KIAA1217: variants seen among roughly 807,000 people sequenced by gnomAD.
KIAA1217 encodes sickle tail protein homolog.
In KIAA1217, 88 loss-of-function variants were observed where a neutral mutation model predicts 163.9. The observed-to-expected ratio is 0.54, with a 90% CI of 0.45 to 0.64. The LOEUF (loss-of-function observed/expected upper bound fraction) is 0.64. Ranked by LOEUF, KIAA1217 falls within the 30% of genes least tolerant of loss-of-function variation. The pLI is 0.00. For missense variants in KIAA1217, 2,372 were observed against 2,475.0 expected (o/e 0.96, Z 0.88); for synonymous variants, 903 against 923.1 (o/e 0.98, Z 0.39).
At chr10:23,914,019 G>A (rs1342283046) in intron 1 of KIAA1217, among the ~76,000 whole-genome samples, 1 of 152,170 alleles carries the variant, frequency 6.6e-6, no homozygotes, top group East Asian at 1.9e-4. Flanking sequence ...GGCATGCCCT[G>A]CCCTTGGGAG....
chr10:24,111,748 A>G (rs1310431354), intron 2 of KIAA1217, among the ~76,000 whole-genome samples: 1 of 151,936 alleles, frequency 6.6e-6, no homozygotes, highest in Non-Finnish European at 1.5e-5. Context: ...AGGGGTTTGT[A>G]TTTTTAGATG....
At chr10:23,747,651 A>G (rs550885896) in intron 1 of KIAA1217, among the ~76,000 whole-genome samples, 1 of 152,298 alleles carries the variant, frequency 6.6e-6, no homozygotes, top group Admixed American at 6.5e-5. Flanking sequence ...TAGTGGAGGA[A>G]ATGATGAAAA....
intron 2 of KIAA1217, among the ~76,000 whole-genome samples, chr10:24,379,887 A>C (rs572932651): frequency 2.0e-5 from 3 of 152,098 alleles, no homozygotes; most frequent in African/African-American, 7.2e-5. Context: ...CCCCATCTCT[A>C]CTAAAAATAC....
At chr10:24,339,096 A>G (rs1343801744) in intron 2 of KIAA1217, among the ~76,000 whole-genome samples, 2 of 152,236 alleles carry the variant, frequency 1.3e-5, no homozygotes. Flanking sequence ...CATGTGAAAG[A>G]ACCTGATAGG....
chr10:24,197,348 A>C (rs1361194094), intron 2 of KIAA1217, among the ~76,000 whole-genome samples: 1 of 152,208 alleles, frequency 6.6e-6, no homozygotes, highest in Non-Finnish European at 1.5e-5. Flanking sequence ...TTATGGAAAA[A>C]AGATGGTGTT....
intron 3 of KIAA1217, among the ~76,000 whole-genome samples, chr10:24,385,219 C>T (rs1417817950): frequency 1.3e-5 from 2 of 152,200 alleles, no homozygotes; most frequent in Non-Finnish European, 2.9e-5. Context: ...TCTGCCTGTG[C>T]CTGGAGATAA....
chr10:24,178,074 G>C (rs1379137360), intron 2 of KIAA1217, among the ~76,000 whole-genome samples: 1 of 152,134 alleles, frequency 6.6e-6, no homozygotes, highest in African/African-American at 2.4e-5. Context: ...ATTCTGAGGA[G>C]AGCAAATTAA....
intron 2 of KIAA1217, among the ~76,000 whole-genome samples, chr10:24,126,010 G>A (rs1262656952): frequency 6.6e-6 from 1 of 152,112 alleles, no homozygotes; most frequent in Non-Finnish European, 1.5e-5. Context: ...CTGCTACAAT[G>A]TAGCTCATTG....
At chr10:24,234,057 A>T (rs2071831404) in intron 2 of KIAA1217, among the ~76,000 whole-genome samples, 1 of 151,990 alleles carries the variant, frequency 6.6e-6, no homozygotes, top group African/African-American at 2.4e-5. Context: ...TGCATCTGTC[A>T]GGTATGCCTT....
chr10:24,438,242 T>C (rs1219328121), intron 4 of KIAA1217, 144 bp from the exon 5 acceptor site: 2 of 583,400 alleles, frequency 3.4e-6, no homozygotes, highest in Non-Finnish European at 6.2e-6. Flanking sequence ...TATTTTATGG[T>C]CACATAGCTT....
At chr10:23,863,541 T>A (rs1347835017) in intron 1 of KIAA1217, among the ~76,000 whole-genome samples, 1 of 152,142 alleles carries the variant, frequency 6.6e-6, no homozygotes, top group Non-Finnish European at 1.5e-5. Context: ...TTCCATCTCT[T>A]CCTCCATGTG....
chr10:23,849,347 CT>C (rs1449050252), intron 1 of KIAA1217, among the ~76,000 whole-genome samples: 5 of 152,026 alleles, frequency 3.3e-5, no homozygotes. Flanking sequence ...TGTAGCAGAG[CT>C]TCAATATCTG....
chr10:24,470,429 G>T (rs1015905664), intron 5 of KIAA1217, among the ~76,000 whole-genome samples: 7 of 152,202 alleles, frequency 4.6e-5, no homozygotes, highest in Non-Finnish European at 7.3e-5. Flanking sequence ...ATGGGCTGGA[G>T]CATCAGGGCA....
At chr10:23,844,769 T>C (rs140726638) in intron 1 of KIAA1217, among the ~76,000 whole-genome samples, 1,963 of 152,122 alleles carry the variant, frequency 0.013, 60 homozygotes, top group African/African-American at 0.045. Context: ...CTTTAAGTTC[T>C]GGGGTACATG....
chr10:23,923,712 G>C (rs1282096977), intron 1 of KIAA1217, among the ~76,000 whole-genome samples: 1 of 152,186 alleles, frequency 6.6e-6, no homozygotes, highest in Non-Finnish European at 1.5e-5. Flanking sequence ...GCAGTAACCA[G>C]CCTTGCTGAC....
chr10:24,386,505 TA>T (rs1404318488), intron 3 of KIAA1217, among the ~76,000 whole-genome samples: 1 of 152,216 alleles, frequency 6.6e-6, no homozygotes. Context: ...ACTGTAAGAC[TA>T]ATGTGAGACT....
intron 2 of KIAA1217, among the ~76,000 whole-genome samples, chr10:24,247,027 C>A (rs774543607): frequency 4.0e-5 from 6 of 151,318 alleles, no homozygotes; most frequent in South Asian, 2.1e-4. Flanking sequence ...AAAAAAACAA[C>A]CATATATTAT....
intron 1 of KIAA1217, among the ~76,000 whole-genome samples, chr10:23,952,962 T>C (rs1844405909): frequency 1.3e-5 from 2 of 152,216 alleles, no homozygotes; most frequent in African/African-American, 4.8e-5. Context: ...TTCACAAAAG[T>C]GAAGAAGAAC....
intron 2 of KIAA1217, among the ~76,000 whole-genome samples, chr10:24,177,333 T>C (rs2065956932): frequency 7.9e-6 from 1 of 126,362 alleles, no homozygotes; most frequent in Admixed American, 8.3e-5. Context: ...ACATATATCT[T>C]TGTATCTTAT....
Sources: allele counts gnomAD v4.1 joint callset (sites outside exome capture counted in the v4.1 genomes callset), GRCh38; gene constraint gnomAD v4.1.1; transcripts MANE v1.5; gene names NCBI Gene and HGNC (gene_info 2026-07-23, HGNC 2026-07-21).